Variants in CFAP20DC observed in about 807,000 individuals in gnomAD.
CFAP20DC encodes the protein CFAP20 domain containing, also known as protein CFAP20DC.
A neutral mutation model predicts 101.7 loss-of-function variants in CFAP20DC; 84 were observed. That is an observed-to-expected ratio of 0.83 (90% confidence interval 0.69 to 0.99). CFAP20DC has a LOEUF of 0.99. Ranked by LOEUF, CFAP20DC falls within the 50% of genes least tolerant of loss-of-function variation. The probability of loss-of-function intolerance (pLI) is 0.00; values close to 1 mark genes in which losing one functional copy is unlikely to be tolerated. For synonymous variants in CFAP20DC, 359 were observed against 351.2 expected, an observed-to-expected ratio of 1.02 and a Z score of -0.25; for missense variants, 1,007 against 970.3, an observed-to-expected ratio of 1.04 and a Z score of -0.50.
chr3:58,827,486 C>T (rs1268116920), intron 14 of CFAP20DC, among the ~76,000 whole-genome samples: 2 of 152,030 alleles, frequency 1.3e-5, no homozygotes, highest in Non-Finnish European at 2.9e-5. Context: ...GACAGAGAAA[C>T]GAAGGCACTA....
chr3:59,045,633 A>G (rs749328834), intron 3 of CFAP20DC, among the ~76,000 whole-genome samples: 8 of 152,144 alleles, frequency 5.3e-5, no homozygotes, highest in Admixed American at 6.6e-5. Flanking sequence ...TAATTTCTAA[A>G]GTAAACAAGA....
At chr3:58,808,526 T>A (rs1484525344) in intron 14 of CFAP20DC, among the ~76,000 whole-genome samples, 1 of 152,186 alleles carries the variant, frequency 6.6e-6, no homozygotes, top group Non-Finnish European at 1.5e-5. Context: ...AGACATTTTG[T>A]CACCACCAGC....
chr3:58,808,712 C>T (rs1393536658), intron 14 of CFAP20DC, among the ~76,000 whole-genome samples: 2 of 152,150 alleles, frequency 1.3e-5, no homozygotes, highest in African/African-American at 2.4e-5. Flanking sequence ...TCACACATAA[C>T]TATATTAACC....
intron 4 of CFAP20DC, among the ~76,000 whole-genome samples, chr3:59,011,200 C>A (rs984295512): frequency 6.6e-6 from 1 of 152,182 alleles, no homozygotes; most frequent in Admixed American, 6.5e-5. Context: ...TAGCTCAAAA[C>A]CAGCCTGGCC....
chr3:58,954,006 A>T (rs1395440407), intron 4 of CFAP20DC, among the ~76,000 whole-genome samples: 1 of 152,234 alleles, frequency 6.6e-6, no homozygotes, highest in Non-Finnish European at 1.5e-5. Context: ...GGGGTAGTTG[A>T]CGGGAAAATC....
chr3:58,797,912 G>A (rs2073376565), intron 15 of CFAP20DC, among the ~76,000 whole-genome samples: 2 of 152,146 alleles, frequency 1.3e-5, no homozygotes, highest in African/African-American at 2.4e-5. Flanking sequence ...AGGCACATCT[G>A]CTTATAGCAC....
chr3:58,949,760 G>A (rs2089867209), intron 4 of CFAP20DC, among the ~76,000 whole-genome samples: 1 of 152,138 alleles, frequency 6.6e-6, no homozygotes, highest in Non-Finnish European at 1.5e-5. Flanking sequence ...AGGTTTTGAT[G>A]GGATGTATCT....
chr3:59,004,315 G>A (rs1462794523), intron 4 of CFAP20DC, among the ~76,000 whole-genome samples: 1 of 152,110 alleles, frequency 6.6e-6, no homozygotes, highest in African/African-American at 2.4e-5. Context: ...CTTGGAGGAA[G>A]CAAGAGACAT....
intron 4 of CFAP20DC, chr3:58,992,659 G>C: frequency 1.6e-6 from 1 of 613,580 alleles, no homozygotes; most frequent in South Asian, 7.2e-5. Flanking sequence ...TTTGAAATTT[G>C]TTCAAATTTA....
intron 5 of CFAP20DC, among the ~76,000 whole-genome samples, chr3:58,929,385 G>C (rs182417259): frequency 3.3e-5 from 5 of 152,276 alleles, no homozygotes; most frequent in Admixed American, 1.3e-4. Context: ...ACACTGAATA[G>C]TGTATTTATC....
rs2093429114 is a variant in CFAP20DC, at chr3:59,006,168, G to A, written c.278+33389C>T. ...GGATGGATGGATGGACGGGGAGGAG[G>A]GGCGAATAGGTTAGAATGTAGACAG... On this transcript the variant is annotated intron_variant, in intron 4 of 16. Transcript: ENST00000482387. This position sits in a 1 kb window ranked among gnomAD's most constrained non-coding sequence, Gnocchi z 4.3. Among the ~76,000 whole-genome samples the A allele has an allele frequency of 6.6e-6, 1 of 152,020 alleles. No homozygotes were observed. Among genetic ancestry groups the A allele is most frequent in the South Asian group, 2.1e-4 (1 of 4,822 alleles).
At chr3:58,716,605 A>G (rs943734149), downstream of CFAP20DC, among the ~76,000 whole-genome samples, 2 of 152,114 alleles carry the variant, frequency 1.3e-5, no homozygotes, top group African/African-American at 4.8e-5. Context: ...GCATCTGTAA[A>G]TTATGGCAGG....
chr3:58,985,429 C>A (rs1026369690), intron 4 of CFAP20DC, among the ~76,000 whole-genome samples: 1 of 152,060 alleles, frequency 6.6e-6, no homozygotes, highest in African/African-American at 2.4e-5. Context: ...TTCTCAGCAA[C>A]TTAACACATC....
At chr3:58,962,187 A>G (rs2091196718) in intron 4 of CFAP20DC, among the ~76,000 whole-genome samples, 1 of 152,126 alleles carries the variant, frequency 6.6e-6, no homozygotes, top group Non-Finnish European at 1.5e-5. Flanking sequence ...CTTTGGCTAC[A>G]TTTCATACAT....
Position 58,866,555 on chromosome 3 carries a change from A to G in CFAP20DC, c.1258+11T>C. 6.3e-7 allele frequency: 1 copy of G among 1,592,618 alleles called. No individual in the cohort carries two copies. The highest frequency in any genetic ancestry group is 8.5e-7 in the Non-Finnish European group (1 of 1,172,934). On this transcript the variant is annotated intron_variant, in intron 11 of 16. Coordinates refer to ENST00000482387, the MANE Select transcript of CFAP20DC (RefSeq NM_001394063.1). Reference sequence around the variant, plus strand: ...CATTATTAACAGATATGGTGTAATAAAGATGCCAACCTGATTGATCAGGAG... The same window carrying G: ...CATTATTAACAGATATGGTGTAATAGAGATGCCAACCTGATTGATCAGGAG...
chr3:58,943,914 T>C (rs746763948), intron 4 of CFAP20DC, among the ~76,000 whole-genome samples: 18 of 151,812 alleles, frequency 1.2e-4, no homozygotes, highest in Non-Finnish European at 1.8e-4. Context: ...AGCACAAGAA[T>C]GTTGTGAAGC....
intron 3 of CFAP20DC, among the ~76,000 whole-genome samples, chr3:58,736,522 G>T (rs928355185): frequency 5.3e-5 from 8 of 152,206 alleles, no homozygotes; most frequent in African/African-American, 1.9e-4. Flanking sequence ...TAAATAAAGA[G>T]AGTTTTTCCC....
At chr3:58,895,229 G>T (rs535540995) in intron 6 of CFAP20DC, among the ~76,000 whole-genome samples, 20 of 152,258 alleles carry the variant, frequency 1.3e-4, no homozygotes, top group African/African-American at 4.6e-4. Context: ...TCAGAAAATG[G>T]GATTTTCTTT....
At position 58,765,474 on chromosome 3, in the gene CFAP20DC, AAAAAAAAAAAAAAACC is replaced by A. The variant is rs1366250169; in HGVS notation, c.2238-11627_2238-11612del. Reference sequence around the variant, plus strand: ...CTGATGGAGAACACATTCTAGCCAAAAAAAAAAAAAAAAACCAAAAAAAAAAAAAAAAACAAACAGA... The same window carrying A: ...CTGATGGAGAACACATTCTAGCCAAAAAAAAAAAAAAAAAAAACAAACAGA... On this transcript the variant is annotated intron_variant, in intron 15 of 16. Transcript: ENST00000482387. Among the ~76,000 whole-genome samples the A allele has an allele frequency of 3.4e-5, 5 of 147,610 alleles. No homozygotes were observed. In the East Asian group the frequency reaches 5.9e-4, roughly 17 times the overall value.
Sources: gnomAD v4.1 joint callset for allele counts (sites outside exome capture counted in the v4.1 genomes callset) on GRCh38, gnomAD v4.1.1 for gene constraint, Gnocchi (gnomAD v3.1) non-coding constraint, MANE v1.5 for transcripts, NCBI Gene and HGNC (gene_info 2026-07-23, HGNC 2026-07-21) for gene names.